The following GRIN3A variants were observed in gnomAD, a reference collection of about 807,000 sequenced individuals.
GRIN3A encodes glutamate ionotropic receptor NMDA type subunit 3A.
GRIN3A carries 47 observed loss-of-function variants against 92.4 expected under a neutral mutation model. The observed-to-expected ratio is 0.51, with a 90% CI of 0.40 to 0.65. GRIN3A has a LOEUF of 0.65. Ranked by LOEUF, GRIN3A falls within the 30% of genes least tolerant of loss-of-function variation. GRIN3A has a pLI of 0.00. For missense variants in GRIN3A, 1,324 were observed against 1,393.1 expected (o/e 0.95, Z 0.79); for synonymous variants, 527 against 540.6 (o/e 0.97, Z 0.35).
chr9:101,672,502 A>G (rs1323431), intron 2 of GRIN3A, among the ~76,000 whole-genome samples: 82,165 of 151,796 alleles, frequency 0.54, 22,264 homozygotes, highest in African/African-American at 0.57. Flanking sequence ...AGAGTGGAAC[A>G]CAGTAGGTAT....
chr9:101,708,212 C>T (rs1033192361), intron 1 of GRIN3A, among the ~76,000 whole-genome samples: 6 of 152,100 alleles, frequency 3.9e-5, no homozygotes, highest in Non-Finnish European at 7.4e-5. Context: ...GTCAATGGAT[C>T]ACTAAGTAAC....
rs1476543672 is a variant in GRIN3A, at chr9:101,658,752, G to GTCTGTCTGTCTATCTATCTATCTATCTA, written c.2352+11307_2352+11308insTAGATAGATAGATAGATAGACAGACAGA. Among the ~76,000 whole-genome samples the GTCTGTCTGTCTATCTATCTATCTATCTA allele has an allele frequency of 2.9e-4, 40 of 139,228 alleles. No individual in the cohort carries two copies. In the East Asian group the frequency reaches 5.5e-3, roughly 19 times the overall value. 91.3% of individuals were successfully genotyped at this position (139,228 alleles called of 152,430 possible). ...ATACATGTTATTTGTCTATCTATCT[G>GTCTGTCTGTCTATCTATCTATCTATCTA]TCTATCTGTCTATCTATCTATCTAT... On this transcript the variant is annotated intron_variant, in intron 3 of 8. Transcript: ENST00000361820.
intron 3 of GRIN3A, among the ~76,000 whole-genome samples, chr9:101,637,633 T>A (rs1342960275): frequency 6.6e-6 from 1 of 152,238 alleles, no homozygotes; most frequent in Non-Finnish European, 1.5e-5. Context: ...GTGAATTATA[T>A]GATTTAAACC....
At chr9:101,712,568 G>GAACTCATCCATAAGATTCCA (rs1211215954) in intron 1 of GRIN3A, among the ~76,000 whole-genome samples, 1 of 152,196 alleles carries the variant, frequency 6.6e-6, no homozygotes, top group East Asian at 1.9e-4. Flanking sequence ...CACCATTCTA[G>GAACTCATCCATAAGATTCCA]AACTCATCCA....
intron 1 of GRIN3A, among the ~76,000 whole-genome samples, chr9:101,696,138 T>C (rs1829681137): frequency 6.6e-6 from 1 of 152,158 alleles, no homozygotes; most frequent in Admixed American, 6.6e-5. Context: ...GGATTAGAGA[T>C]CCGGACTCTT....
In GRIN3A at chr9:101,614,609, CTTTTTTTTTTTTTTTT is replaced by C. The variant is rs754003481; in HGVS notation, c.2615-1098_2615-1083del. ...CATATATATGCATATATATGTGATACTTTTTTTTTTTTTTTTTTTTTTTTTTTGGAGACAGGGTCTT... is the reference window on the plus strand; with the variant it reads ...CATATATATGCATATATATGTGATACTTTTTTTTTTTGGAGACAGGGTCTT... On this transcript the variant is annotated intron_variant, in intron 5 of 8. Coordinates refer to ENST00000361820, the MANE Select transcript of GRIN3A (RefSeq NM_133445.3). Among the ~76,000 whole-genome samples, 3 of 83,050 alleles carry C rather than the reference CTTTTTTTTTTTTTTTT, an allele frequency of 3.6e-5. No homozygotes were observed. The Admixed American group carries it at 4.0e-4, about 11-fold the overall frequency. The allele number at this position is 83,050 out of a possible 152,430, so 54.5% of individuals were successfully genotyped here. A position where few individuals can be genotyped will look rare whatever the true frequency, so the allele number is the denominator to read the frequency against.
intron 2 of GRIN3A, 87 bp downstream of exon 2, chr9:101,686,509 A>T: frequency 6.9e-7 from 1 of 1,452,764 alleles, no homozygotes; most frequent in South Asian, 1.1e-5. Context: ...CTCAGAGTCA[A>T]GATTTCTGCA....
rs1828392931 is a variant in GRIN3A, at chr9:101,613,288, G to T, written c.2766+88C>A. On this transcript the variant is annotated intron_variant, in intron 6 of 8. Coordinates refer to ENST00000361820, the MANE Select transcript of GRIN3A (RefSeq NM_133445.3). ...AGAGTCTAGTAAATGCAATAACCTAGATGATGAGGCACAAGTAATAGCATT... is the reference window on the plus strand; with the variant it reads ...AGAGTCTAGTAAATGCAATAACCTATATGATGAGGCACAAGTAATAGCATT... 3 of 1,362,712 alleles carry T rather than the reference G, an allele frequency of 2.2e-6. No individual in the cohort carries two copies. In the Admixed American group the frequency reaches 5.2e-5, roughly 24 times the overall value. 84.4% of individuals were successfully genotyped at this position (1,362,712 alleles called of 1,614,324 possible). A position where few individuals can be genotyped will look rare whatever the true frequency, so the allele number is the denominator to read the frequency against.
chr9:101,665,796 TACTC>T (rs1564139274), intron 3 of GRIN3A, among the ~76,000 whole-genome samples: 1 of 151,886 alleles, frequency 6.6e-6, no homozygotes, highest in African/African-American at 2.4e-5. Context: ...TTTTGAAAAA[TACTC>T]AAAAAATTAA....
At chr9:101,710,558 C>A (rs540644028) in intron 1 of GRIN3A, among the ~76,000 whole-genome samples, 3 of 152,156 alleles carry the variant, frequency 2.0e-5, no homozygotes, top group Admixed American at 1.3e-4. Flanking sequence ...CCAATTTCCA[C>A]CCTGTTCTGT....
chr9:101,569,936 C>T lies in GRIN3A; in HGVS notation c.*3238G>A, dbSNP rs1031045452. 2 of 152,112 alleles carry T rather than the reference C, an allele frequency of 1.3e-5. No homozygotes were observed. Among genetic ancestry groups the T allele is most frequent in the African/African-American group, 2.4e-5 (1 of 41,396 alleles). 9.4% of individuals were successfully genotyped at this position (152,112 alleles called of 1,614,324 possible). The stretch of plus-strand genomic sequence containing the variant: ...GGTCTGTTCTGCTTGGCACTTGCTC[C>T]GCTTACCACTTTTCTGGCTGGAAGG... On this transcript the variant is annotated 3_prime_UTR_variant, in exon 9 of 9. Coordinates refer to ENST00000361820, the MANE Select transcript of GRIN3A (RefSeq NM_133445.3).
intron 1 of GRIN3A, among the ~76,000 whole-genome samples, chr9:101,702,871 G>A (rs981367441): frequency 2.0e-5 from 3 of 152,102 alleles, no homozygotes; most frequent in Admixed American, 6.6e-5. Context: ...GGCCAAAAAC[G>A]AAGAAATCAG....
Position 101,618,161 on chromosome 9 carries a change from T to C in GRIN3A, c.2615-4634A>G, listed in dbSNP as rs1015219522. Among the ~76,000 whole-genome samples the C allele has an allele frequency of 4.3e-3, 643 of 150,756 alleles. 3 individuals are homozygous for C. Among genetic ancestry groups the C allele is most frequent in the Admixed American group, 5.6e-3 (85 of 15,196 alleles). On this transcript the variant is annotated intron_variant, in intron 5 of 8. Transcript: ENST00000361820. ...TTCATGTCTAAAACACCAAAAGCAA[T>C]GGCAACAAAAGACAAAATTGACAAA...
At chr9:101,592,286 G>A (rs566099440) in intron 6 of GRIN3A, 3 of 152,294 alleles carry the variant, frequency 2.0e-5, no homozygotes, top group Admixed American at 6.5e-5. Flanking sequence ...CTAAGTAAGT[G>A]TTCAAAAGCA....
chr9:101,592,416 G>A (rs886868112), intron 6 of GRIN3A: 2 of 152,246 alleles, frequency 1.3e-5, no homozygotes, highest in South Asian at 4.1e-4. Context: ...ATGCCTTTTT[G>A]AATCCTCAAA....
intron 6 of GRIN3A, among the ~76,000 whole-genome samples, chr9:101,600,633 A>G (rs528475448): frequency 7.9e-5 from 12 of 152,294 alleles, no homozygotes; most frequent in African/African-American, 2.6e-4. Flanking sequence ...TGTTCCAGGT[A>G]GAAGAAACTC....
intron 1 of GRIN3A, among the ~76,000 whole-genome samples, chr9:101,709,715 C>T (rs1299859861): frequency 6.6e-6 from 1 of 152,152 alleles, no homozygotes; most frequent in Non-Finnish European, 1.5e-5. Flanking sequence ...GGTTAAGTGA[C>T]TGAAATTACT....
intron 1 of GRIN3A, among the ~76,000 whole-genome samples, chr9:101,723,797 T>G (rs1356546040): frequency 1.3e-5 from 2 of 152,254 alleles, no homozygotes; most frequent in Admixed American, 1.3e-4. Flanking sequence ...AACCCTGAGC[T>G]AGACACTGGG....
At chr9:101,619,919 A>G (rs79594861) in intron 5 of GRIN3A, among the ~76,000 whole-genome samples, 8,225 of 152,286 alleles carry the variant, frequency 0.054, 326 homozygotes, top group East Asian at 0.23. Flanking sequence ...AATTCGACCA[A>G]AGACTTTCCA....
Sources: allele counts gnomAD v4.1 joint callset (sites outside exome capture counted in the v4.1 genomes callset), GRCh38; gene constraint gnomAD v4.1.1; transcripts MANE v1.5; gene names NCBI Gene and HGNC (gene_info 2026-07-23, HGNC 2026-07-21).